The following PCDH11X variants were observed in gnomAD, a reference collection of about 807,000 sequenced individuals.
The protein encoded by PCDH11X is protocadherin 11 X-linked.
In PCDH11X, 18 loss-of-function variants were observed where a neutral mutation model predicts 53.3. That is an observed-to-expected ratio of 0.34 (90% CI 0.23 to 0.50). The LOEUF (loss-of-function observed/expected upper bound fraction) is 0.50. Among genes scored for constraint, PCDH11X ranks in the 20% least tolerant of loss-of-function variants. The pLI is 0.98. For missense variants in PCDH11X, 570 were observed against 1,032.4 expected (o/e 0.55, Z 6.14); for synonymous variants, 279 against 393.3 (o/e 0.71, Z 3.44).
chrX:92,350,949 A>G (rs1813917894), intron 8 of PCDH11X, among the ~76,000 whole-genome samples: 1 of 112,000 alleles, frequency 8.9e-6, no homozygotes, highest in South Asian at 3.7e-4. Context: ...ACTGATAGAC[A>G]ATGAAAATTG....
intron 9 of PCDH11X, chrX:92,460,468 T>C: frequency 2.7e-6 from 2 of 741,719 alleles, no homozygotes; most frequent in Non-Finnish European, 4.2e-6. Flanking sequence ...GCTAGACAAA[T>C]ACTGGCCTCA....
chrX:92,268,596 C>T (rs1239796328), intron 8 of PCDH11X, among the ~76,000 whole-genome samples: 1 of 111,794 alleles, frequency 8.9e-6, no homozygotes, highest in Non-Finnish European at 1.9e-5. Flanking sequence ...CTTCATCCTA[C>T]ATATGTTCTA....
chrX:92,515,045 T>C (rs1454385744), intron 10 of PCDH11X, among the ~76,000 whole-genome samples: 3 of 22,615 alleles, frequency 1.3e-4, no homozygotes, highest in Admixed American at 7.2e-4. Context: ...AGATTCCACC[T>C]CAAAAAAAAA....
At chrX:92,063,193 G>C (rs1303898456) in intron 6 of PCDH11X, among the ~76,000 whole-genome samples, 1 of 107,599 alleles carries the variant, frequency 9.3e-6, no homozygotes, top group Non-Finnish European at 1.9e-5. Context: ...GCCTGTCGGG[G>C]GGTGGGGGGC....
intron 6 of PCDH11X, among the ~76,000 whole-genome samples, chrX:92,190,382 C>T (rs1310599437): frequency 9.0e-6 from 1 of 111,489 alleles, no homozygotes; most frequent in Non-Finnish European, 1.9e-5. Flanking sequence ...TGTACGTGTG[C>T]AGTCTTATTT....
At chrX:91,854,689 C>T (rs1199883015) in intron 5 of PCDH11X, among the ~76,000 whole-genome samples, 1 of 111,900 alleles carries the variant, frequency 8.9e-6, no homozygotes. Context: ...TAGATAAAAG[C>T]CAGGGGGTGA....
chrX:91,974,753 T>C (rs2062022822), intron 6 of PCDH11X, among the ~76,000 whole-genome samples: 1 of 109,281 alleles, frequency 9.2e-6, no homozygotes, highest in Non-Finnish European at 1.9e-5. Context: ...GGTTTCTTTT[T>C]CTTTTCTTTT....
chrX:92,215,324 C>T (rs1250699461), intron 7 of PCDH11X, among the ~76,000 whole-genome samples: 1 of 107,474 alleles, frequency 9.3e-6, no homozygotes, highest in East Asian at 3.0e-4. Context: ...CAGAAGGCAC[C>T]TGGAAAATCG....
At chrX:92,294,466 A>G (rs1306805818) in intron 8 of PCDH11X, among the ~76,000 whole-genome samples, 2 of 112,501 alleles carry the variant, frequency 1.8e-5, no homozygotes, top group East Asian at 5.5e-4. Flanking sequence ...TATTAAAAAC[A>G]TTAGAGCATT....
intron 7 of PCDH11X, among the ~76,000 whole-genome samples, chrX:92,255,887 G>A: frequency 8.9e-6 from 1 of 112,498 alleles, no homozygotes; most frequent in Non-Finnish European, 1.9e-5. Context: ...CTGTCTTTTT[G>A]TTTGTCTATG....
At chrX:92,568,258 A>C (rs1407541669) in intron 10 of PCDH11X, among the ~76,000 whole-genome samples, 3 of 109,479 alleles carry the variant, frequency 2.7e-5, no homozygotes, top group African/African-American at 1.0e-4. Flanking sequence ...GTCTCAACTA[A>C]AAATACAAAA....
intron 6 of PCDH11X, among the ~76,000 whole-genome samples, chrX:91,935,584 G>A (rs936359101): frequency 6.6e-5 from 7 of 106,774 alleles, no homozygotes; most frequent in Non-Finnish European, 1.2e-4. Context: ...TTTTTTTAGA[G>A]AAACAGAAGT....
intron 10 of PCDH11X, among the ~76,000 whole-genome samples, chrX:92,597,667 G>GA: frequency 9.0e-6 from 1 of 111,267 alleles, no homozygotes; most frequent in East Asian, 2.8e-4. Context: ...TATAGCAATA[G>GA]AAAAAAGAAT....
At chrX:92,549,386 T>C (rs891616806) in intron 10 of PCDH11X, among the ~76,000 whole-genome samples, 18 of 104,792 alleles carry the variant, frequency 1.7e-4, no homozygotes, top group Non-Finnish European at 3.1e-4. Context: ...GTGAAAATGC[T>C]ACCTGTATTG....
chrX:92,619,201 G>A lies in PCDH11X; in HGVS notation c.*261G>A, dbSNP rs777640955. Reference sequence around the variant, plus strand: ...ACAGTAAGGCTTATCATGACAGAGCGCACTATTTCTGATGTACAGTATTTT... The same window carrying A: ...ACAGTAAGGCTTATCATGACAGAGCACACTATTTCTGATGTACAGTATTTT... On this transcript the variant is annotated 3_prime_UTR_variant, in exon 11 of 11. Coordinates refer to ENST00000682573, the MANE Select transcript of PCDH11X (RefSeq NM_032968.5). The A allele has an allele frequency of 1.5e-4, 60 of 404,002 alleles. No individual in the cohort carries two copies. The highest frequency in any genetic ancestry group is 1.1e-3 in the East Asian group (25 of 23,803). 33.3% of individuals were successfully genotyped at this position (404,002 alleles called of 1,213,427 possible). A position where few individuals can be genotyped will look rare whatever the true frequency, so the allele number is the denominator to read the frequency against.
intron 6 of PCDH11X, among the ~76,000 whole-genome samples, chrX:92,196,895 G>C (rs778278883): frequency 9.0e-6 from 1 of 111,206 alleles, no homozygotes; most frequent in South Asian, 3.8e-4. Flanking sequence ...TGAATCACAT[G>C]GTGAATGGCT....
At chrX:91,867,458 T>C in intron 5 of PCDH11X, among the ~76,000 whole-genome samples, 1 of 109,128 alleles carries the variant, frequency 9.2e-6, no homozygotes, top group East Asian at 2.9e-4. Flanking sequence ...TCAGAGCTAA[T>C]GAAGAGTCAG....
intron 6 of PCDH11X, among the ~76,000 whole-genome samples, chrX:92,159,089 C>T (rs2065591448): frequency 9.0e-6 from 1 of 111,606 alleles, no homozygotes; most frequent in Non-Finnish European, 1.9e-5. Context: ...AATTGGCATG[C>T]TAATAATTAA....
intron 10 of PCDH11X, among the ~76,000 whole-genome samples, chrX:92,516,308 CA>C (rs1261745950): frequency 6.3e-5 from 7 of 111,330 alleles, no homozygotes; most frequent in Non-Finnish European, 1.9e-5. Context: ...CAGGACTAAA[CA>C]AAAGTCTTGA....
Sources: allele counts gnomAD v4.1 joint callset (sites outside exome capture counted in the v4.1 genomes callset), GRCh38; gene constraint gnomAD v4.1.1; transcripts MANE v1.5; gene names NCBI Gene and HGNC (gene_info 2026-07-23, HGNC 2026-07-21).